MTCH1: variants seen among roughly 807,000 people sequenced by gnomAD.
MTCH1 encodes the protein mitochondrial carrier 1, also known as mitochondrial carrier homolog 1.
MTCH1 carries 23 observed loss-of-function variants against 49.3 expected under a neutral mutation model. The observed-to-expected ratio is 0.47, with a 90% confidence interval of 0.34 to 0.66. MTCH1 has a LOEUF of 0.66. Ranked by LOEUF, MTCH1 falls within the 30% of genes least tolerant of loss-of-function variation. MTCH1 has a pLI of 0.01. For missense variants in MTCH1, 397 were observed against 532.1 expected (o/e 0.75, Z 2.50); for synonymous variants, 229 against 215.2 (o/e 1.06, Z -0.56).
At chr6:36,986,537 G>T (rs1490053994), upstream of MTCH1, among the ~76,000 whole-genome samples, 1 of 152,100 alleles carries the variant, frequency 6.6e-6, no homozygotes, top group Non-Finnish European at 1.5e-5. Context: ...CCCTGGCTTC[G>T]GGAGTTTTCT....
intron 3 of MTCH1, 77 bp downstream of exon 3, chr6:36,978,428 G>C: frequency 7.0e-7 from 1 of 1,434,360 alleles, no homozygotes; most frequent in Non-Finnish European, 9.7e-7. Context: ...GCAAGACCAG[G>C]GTAACTGGCT....
rs16889330 is a variant in MTCH1 at position 36,970,022 on chromosome 6, G to A, written c.1098+17C>T. On this transcript the variant is annotated intron_variant, in intron 11 of 11. Coordinates refer to ENST00000373627, the MANE Select transcript of MTCH1 (RefSeq NM_001271641.2). Reference sequence around the variant, plus strand: ...GCAAAGAACAGGAAAGGCCTCCGCCGTCCAGTGCTTGCTCACCTGCACACT... The same window carrying A: ...GCAAAGAACAGGAAAGGCCTCCGCCATCCAGTGCTTGCTCACCTGCACACT... The A allele has an allele frequency of 0.013, 21,716 of 1,613,782 alleles. 952 individuals carry two copies. The highest frequency in any genetic ancestry group is 0.11 in the African/African-American group (8,051 of 74,998).
intron 2 of MTCH1, among the ~76,000 whole-genome samples, chr6:36,979,348 A>T (rs1764008822): frequency 6.6e-6 from 1 of 152,234 alleles, no homozygotes; most frequent in African/African-American, 2.4e-5. Context: ...TGTCTTTCTA[A>T]GGATACGATT....
chr6:36,981,799 C>T (rs1764105249), intron 1 of MTCH1, 127 bp from the exon 2 acceptor site: 5 of 776,390 alleles, frequency 6.4e-6, no homozygotes, highest in Non-Finnish European at 1.0e-5. Context: ...GGCTCTTGTT[C>T]ATGTTTTCCC....
In MTCH1 at chr6:36,986,183, C is replaced by A; in HGVS notation, c.-10G>T. On this transcript the variant is annotated 5_prime_UTR_variant, in exon 1 of 12. Transcript: ENST00000373627. Reference sequence around the variant, plus strand: ...GGTCCGAAGCTCCCATGGCGCCCGGCGGCGAGGTCACTCCCCGTCACGTGA... The same window carrying A: ...GGTCCGAAGCTCCCATGGCGCCCGGAGGCGAGGTCACTCCCCGTCACGTGA... 7.0e-7 allele frequency: 1 copy of A among 1,423,438 alleles called. No homozygotes were observed. The highest frequency in any genetic ancestry group is 9.1e-7 in the Non-Finnish European group (1 of 1,097,214). 88.2% of individuals were successfully genotyped at this position (1,423,438 alleles called of 1,614,324 possible).
rs6926198 is a variant in MTCH1 at position 36,982,388 on chromosome 6, T to A, written c.322-716A>T. On this transcript the variant is annotated intron_variant, in intron 1 of 11. Transcript: ENST00000373627. This position sits in a 1 kb window ranked among gnomAD's most constrained non-coding sequence, Gnocchi z 4.1. Reference sequence around the variant, plus strand: ...ATCTGAAATATTTATTTATTTATTTTTTTTTTTGAGATGGAGTTTCACTCT... The same window carrying A: ...ATCTGAAATATTTATTTATTTATTTATTTTTTTGAGATGGAGTTTCACTCT... Among the ~76,000 whole-genome samples the A allele has an allele frequency of 0.18, 27,501 of 150,318 alleles. 2,758 individuals carry two copies. Among genetic ancestry groups the A allele is most frequent in the Admixed American group, 0.27 (4,129 of 15,228 alleles).
At position 36,982,355 on chromosome 6, in the gene MTCH1, C is replaced by A. The variant is rs973040289; in HGVS notation, c.322-683G>T. 6.6e-6 allele frequency among the ~76,000 whole-genome samples: 1 copy of A among 152,046 alleles called. No homozygotes were observed. The highest frequency in any genetic ancestry group is 1.5e-5 in the Non-Finnish European group (1 of 68,020). On this transcript the variant is annotated intron_variant, in intron 1 of 11. Coordinates refer to ENST00000373627, the MANE Select transcript of MTCH1 (RefSeq NM_001271641.2). This position sits in a 1 kb window ranked among gnomAD's most constrained non-coding sequence, Gnocchi z 4.1. ...TATGATAGTTCTTGCTGTACAGATG[C>A]TTCTTATATCTGAAATATTTATTTA...
At chr6:36,984,688 C>T (rs1442335595) in intron 1 of MTCH1, among the ~76,000 whole-genome samples, 1 of 152,072 alleles carries the variant, frequency 6.6e-6, no homozygotes, top group Admixed American at 6.6e-5. Context: ...ACCTAATTCT[C>T]ACACCTCCAC....
chr6:36,975,840 G>C, intron 6 of MTCH1, 123 bp from the exon 7 acceptor site: 1 of 809,960 alleles, frequency 1.2e-6, no homozygotes, highest in Non-Finnish European at 2.1e-6. Context: ...GGGATGGGGA[G>C]GACTATTACC....
rs1277742652 is a variant in MTCH1, at chr6:36,970,450, G to A, written c.978C>T (p.Tyr326=). 6.2e-7 allele frequency: 1 copy of A among 1,614,076 alleles called. No individual in the cohort carries two copies. Among genetic ancestry groups the A allele is most frequent in the African/African-American group, 1.3e-5 (1 of 74,936 alleles). ...TGAGGTCGCCAACTAGCAGGAAGGG[G>A]TAGGTCAGCATGCTCACTGCAATCT... ...VMGIAVSMLT[Y]PFLLVGDLMA... The change falls in exon 10 of 12, where the codon TAC becomes TAT. Residue 326 remains tyrosine (Y), a synonymous_variant. Transcript: ENST00000373627.
At chr6:36,973,234 T>C (rs957430275) in intron 7 of MTCH1, among the ~76,000 whole-genome samples, 1 of 152,218 alleles carries the variant, frequency 6.6e-6, no homozygotes, top group Non-Finnish European at 1.5e-5. Context: ...AAAGATTCTA[T>C]GCAAGCATTT....
At chr6:36,974,681 G>A (rs1444527048) in intron 7 of MTCH1, among the ~76,000 whole-genome samples, 1 of 152,080 alleles carries the variant, frequency 6.6e-6, no homozygotes, top group African/African-American at 2.4e-5. Context: ...ATCACCTCCT[G>A]CTGAGAACCG....
At chr6:36,985,729 A>ACCCC in intron 1 of MTCH1, 124 bp downstream of exon 1, 1 of 560,578 alleles carries the variant, frequency 1.8e-6, no homozygotes, top group Non-Finnish European at 2.9e-6. Context: ...GGCCCCCCAA[A>ACCCC]CCCGCCGTCC....
At position 36,982,370 on chromosome 6, in the gene MTCH1, A is replaced by ATATG. The variant is rs1764128687; in HGVS notation, c.322-699_322-698insCATA. 6.6e-6 allele frequency among the ~76,000 whole-genome samples: 1 copy of ATATG among 150,680 alleles called. No homozygotes were observed. The highest frequency in any genetic ancestry group is 6.6e-5 in the Admixed American group (1 of 15,158). ...TGTACAGATGCTTCTTATATCTGAA[A>ATATG]TATTTATTTATTTATTTTTTTTTTT... On this transcript the variant is annotated intron_variant, in intron 1 of 11. Transcript: ENST00000373627. This position sits in a 1 kb window ranked among gnomAD's most constrained non-coding sequence, Gnocchi z 4.1.
upstream of MTCH1, chr6:36,986,259 C>A: frequency 2.4e-6 from 3 of 1,233,244 alleles, no homozygotes; most frequent in Admixed American, 4.2e-5. Flanking sequence ...GGGCGCACCA[C>A]TCCAGGCCGC....
Position 36,970,127 on chromosome 6 carries a change from G to T in MTCH1, c.1023-13C>A, listed in dbSNP as rs192162226. ...CCCAGCTTGCAGCCTGCCGGAGAAGGAGAGTGTAGATGCAGAGAACAGTGG... is the reference window on the plus strand; with the variant it reads ...CCCAGCTTGCAGCCTGCCGGAGAAGTAGAGTGTAGATGCAGAGAACAGTGG... On this transcript the variant is annotated splice_polypyrimidine_tract_variant and intron_variant, in intron 10 of 11. Transcript: ENST00000373627. The T allele has an allele frequency of 2.0e-4, 317 of 1,613,542 alleles. 5 individuals are homozygous for T. In the East Asian group the frequency reaches 2.7e-3, roughly 14 times the overall value.
intron 1 of MTCH1, among the ~76,000 whole-genome samples, chr6:36,983,206 G>A (rs1013130914): frequency 1.3e-5 from 2 of 152,214 alleles, no homozygotes; most frequent in South Asian, 2.1e-4. Flanking sequence ...GAGCAAAGGA[G>A]GAAAGGGGTG....
Position 36,985,895 on chromosome 6 carries a change from CG to C in MTCH1, c.278del (p.Thr93ArgfsTer10). ...CGTAGAGCAGGGGATGGCTGAGCGC[CG>C]TCACGCCCGCGCCCAGTGCCACGAA... The part of the protein sequence containing the change: ...ALFVALGAGV[T>X]ALSHPLLYVK... On this transcript the variant is annotated frameshift_variant, in exon 1 of 12. Coordinates refer to ENST00000373627, the MANE Select transcript of MTCH1 (RefSeq NM_001271641.2). LOFTEE classifies it high-confidence loss of function. 6.4e-7 allele frequency: 1 copy of C among 1,559,026 alleles called. No homozygotes were observed. Among genetic ancestry groups the C allele is most frequent in the African/African-American group, 1.4e-5 (1 of 73,958 alleles).
chr6:36,975,152 A>G (rs745506), intron 7 of MTCH1, among the ~76,000 whole-genome samples: 36,260 of 152,118 alleles, frequency 0.24, 4,439 homozygotes, highest in South Asian at 0.34. Flanking sequence ...GCAGGACAAG[A>G]TTTTCTGGCT....
Sources: gnomAD v4.1 joint callset for allele counts (sites outside exome capture counted in the v4.1 genomes callset) on GRCh38, gnomAD v4.1.1 for gene constraint, Gnocchi (gnomAD v3.1) non-coding constraint, MANE v1.5 for transcripts, NCBI Gene and HGNC (gene_info 2026-07-23, HGNC 2026-07-21) for gene names.